The following DIP2B variants were observed in gnomAD, a reference collection of about 807,000 sequenced individuals.
The protein encoded by DIP2B is DIP2 acetate--CoA ligase B (putative), also known as disco-interacting protein 2 homolog B.
Under a neutral mutation model 198.0 loss-of-function variants are expected in DIP2B, and 76 were observed. That is an observed-to-expected ratio of 0.38 (90% confidence interval 0.32 to 0.46). The LOEUF is 0.46. Among genes scored for constraint, DIP2B ranks in the 20% least tolerant of loss-of-function variants. The pLI is 0.99. For missense variants in DIP2B, 1,559 were observed against 1,978.4 expected, an observed-to-expected ratio of 0.79 and a Z score of 4.02; for synonymous variants, 701 against 739.1, an observed-to-expected ratio of 0.95 and a Z score of 0.84.
At chr12:50,576,966 T>C (rs1352768761) in intron 1 of DIP2B, among the ~76,000 whole-genome samples, 4 of 151,586 alleles carry the variant, frequency 2.6e-5, no homozygotes, top group Admixed American at 1.3e-4. Flanking sequence ...TAGGTTCAAG[T>C]GATTCTCCTG....
At chr12:50,574,363 C>T (rs916311172) in intron 1 of DIP2B, among the ~76,000 whole-genome samples, 4 of 152,170 alleles carry the variant, frequency 2.6e-5, no homozygotes, top group Admixed American at 1.3e-4. Flanking sequence ...CATAATATTG[C>T]TTTTATTACT....
intron 1 of DIP2B, among the ~76,000 whole-genome samples, chr12:50,536,271 G>GCATACATA (rs55888934): frequency 0.45 from 66,438 of 147,784 alleles, 15,848 homozygotes; most frequent in Non-Finnish European, 0.52. Flanking sequence ...CTAAATACGT[G>GCATACATA]CATACATACA....
At chr12:50,654,823 G>T (rs1938526739) in intron 3 of DIP2B, among the ~76,000 whole-genome samples, 1 of 152,120 alleles carries the variant, frequency 6.6e-6, no homozygotes, top group African/African-American at 2.4e-5. Context: ...ACTATACTAG[G>T]ATATGAATTC....
In DIP2B at chr12:50,535,020, G is replaced by A. The variant is rs111645647; in HGVS notation, c.100+29780G>A. Among the ~76,000 whole-genome samples, 19 of 152,156 alleles carry A rather than the reference G, an allele frequency of 1.2e-4. 1 individual carries two copies. Among genetic ancestry groups the A allele is most frequent in the African/African-American group, 4.1e-4 (17 of 41,516 alleles). ...GAGGTGGGTGGGTCATTTGAGCTCG[G>A]GAGTTTGAGACCAGCTTGGGCAAGA... On this transcript the variant is annotated intron_variant, in intron 1 of 37. Coordinates refer to ENST00000301180, the MANE Select transcript of DIP2B (RefSeq NM_173602.3).
intron 1 of DIP2B, among the ~76,000 whole-genome samples, chr12:50,565,046 C>T (rs1256551034): frequency 6.6e-6 from 1 of 152,108 alleles, no homozygotes; most frequent in Non-Finnish European, 1.5e-5. Context: ...TTCTTTCACC[C>T]AGGCTGGAGT....
intron 1 of DIP2B, among the ~76,000 whole-genome samples, chr12:50,523,507 A>C (rs1020622883): frequency 6.6e-6 from 1 of 152,186 alleles, no homozygotes; most frequent in Non-Finnish European, 1.5e-5. Context: ...ATTTAATGGG[A>C]GTCCAATTAG....
chr12:50,523,374 A>G (rs1337229761), intron 1 of DIP2B, among the ~76,000 whole-genome samples: 1 of 152,232 alleles, frequency 6.6e-6, no homozygotes, highest in Non-Finnish European at 1.5e-5. Flanking sequence ...TGTTCAGTAC[A>G]GATGGCTTTT....
chr12:50,540,976 T>C (rs979115304), intron 1 of DIP2B, among the ~76,000 whole-genome samples: 1 of 152,210 alleles, frequency 6.6e-6, no homozygotes, highest in Non-Finnish European at 1.5e-5. Context: ...AAAAAATTCT[T>C]TTATAGACGT....
rs1940339522 is a variant in DIP2B at position 50,746,237 on chromosome 12, T to G, written c.*1398T>G. Reference sequence around the variant, plus strand: ...CGTATTATTTTTTTCTTAACAGAAATATTTTTAAAAATGAAAAAGTACTCA... The same window carrying G: ...CGTATTATTTTTTTCTTAACAGAAAGATTTTTAAAAATGAAAAAGTACTCA... On this transcript the variant is annotated 3_prime_UTR_variant, in exon 38 of 38. Coordinates refer to ENST00000301180, the MANE Select transcript of DIP2B (RefSeq NM_173602.3). The G allele has an allele frequency of 6.6e-6, 1 of 152,204 alleles. No individual in the cohort carries two copies. Among genetic ancestry groups the G allele is most frequent in the East Asian group, 1.9e-4 (1 of 5,200 alleles). 9.4% of individuals were successfully genotyped at this position (152,204 alleles called of 1,614,324 possible).
In DIP2B at chr12:50,686,580, C is replaced by G; in HGVS notation, c.1449C>G (p.Pro483=). ...NGEIVQFKGW[P]RLKWVVTDSK... The stretch of plus-strand genomic sequence containing the variant: ...ACTTTGGGTTTGATTTAGGTTGGCC[C>G]CGGCTCAAATGGGTTGTAACAGATT... The change falls in exon 12 of 38, where the codon CCC becomes CCG. Residue 483 remains proline (P), a synonymous_variant. Transcript: ENST00000301180. The G allele has an allele frequency of 6.2e-7, 1 of 1,613,746 alleles. No individual in the cohort carries two copies. The highest frequency in any genetic ancestry group is 1.1e-5 in the South Asian group (1 of 91,032).
chr12:50,678,995 T>C, intron 8 of DIP2B, 119 bp downstream of exon 8: 1 of 1,190,068 alleles, frequency 8.4e-7, no homozygotes, highest in Non-Finnish European at 1.2e-6. Flanking sequence ...ATTTTTTCAA[T>C]AATTTAAAAG....
intron 3 of DIP2B, among the ~76,000 whole-genome samples, chr12:50,646,183 A>C (rs1256830711): frequency 6.9e-6 from 1 of 145,266 alleles, no homozygotes; most frequent in Non-Finnish European, 1.5e-5. Flanking sequence ...GAGTGCAGTG[A>C]TGTGATCTCA....
At chr12:50,715,834 T>TA (rs1939704449) in intron 23 of DIP2B, among the ~76,000 whole-genome samples, 1 of 152,246 alleles carries the variant, frequency 6.6e-6, no homozygotes, top group Admixed American at 6.5e-5. Context: ...GGGGTTCTGT[T>TA]ATTAAGGAAG....
Position 50,674,387 on chromosome 12 carries a change from T to G in DIP2B, c.641-87T>G, listed in dbSNP as rs1166901170. 6.8e-6 allele frequency: 10 copies of G among 1,461,252 alleles called. No homozygotes were observed. In the East Asian group the frequency reaches 2.1e-4, roughly 31 times the overall value. The allele number at this position is 1,461,252 out of a possible 1,614,324, so 90.5% of individuals were successfully genotyped here. ...CAGTGCCCCCATTTATGTACTTTTC[T>G]TCCTTGTTAAAAAACAAAACCCCAA... On this transcript the variant is annotated intron_variant, in intron 5 of 37. Transcript: ENST00000301180.
At chr12:50,572,486 C>CTCGA (rs975864393) in intron 1 of DIP2B, among the ~76,000 whole-genome samples, 24 of 152,300 alleles carry the variant, frequency 1.6e-4, no homozygotes, top group Non-Finnish European at 2.8e-4. Flanking sequence ...TTCGCAACAA[C>CTCGA]TTGATTCAGA....
At chr12:50,535,256 T>G (rs1025457620) in intron 1 of DIP2B, among the ~76,000 whole-genome samples, 3 of 151,862 alleles carry the variant, frequency 2.0e-5, no homozygotes, top group African/African-American at 7.3e-5. Flanking sequence ...ATAAATTAAC[T>G]GGGCAGTTAT....
At chr12:50,738,135 A>T (rs1215584601) in intron 35 of DIP2B, among the ~76,000 whole-genome samples, 1 of 151,906 alleles carries the variant, frequency 6.6e-6, no homozygotes, top group Non-Finnish European at 1.5e-5. Flanking sequence ...AGGTCAAGAG[A>T]TCGAGACCAT....
At chr12:50,740,238 A>G (rs1319537612) in intron 36 of DIP2B, among the ~76,000 whole-genome samples, 1 of 152,228 alleles carries the variant, frequency 6.6e-6, no homozygotes, top group Admixed American at 6.5e-5. Flanking sequence ...TTAAAGTCCT[A>G]AATTCTCCAT....
At chr12:50,537,004 A>G (rs1191422611) in intron 1 of DIP2B, among the ~76,000 whole-genome samples, 2 of 145,558 alleles carry the variant, frequency 1.4e-5, no homozygotes, top group Non-Finnish European at 3.0e-5. Flanking sequence ...AGCCTGTTGA[A>G]TCCTTCTCCT....
Sources: gnomAD v4.1 joint callset for allele counts (sites outside exome capture counted in the v4.1 genomes callset) on GRCh38, gnomAD v4.1.1 for gene constraint, MANE v1.5 for transcripts, NCBI Gene and HGNC (gene_info 2026-07-23, HGNC 2026-07-21) for gene names.